MARCHF1: variants seen among roughly 807,000 people sequenced by gnomAD.
MARCHF1 encodes the protein membrane associated ring-CH-type finger 1.
In MARCHF1, 40 loss-of-function variants were observed where a neutral mutation model predicts 54.2. The ratio of observed to expected loss-of-function variants is 0.74; its 90% CI spans 0.57 to 0.96. The LOEUF (loss-of-function observed/expected upper bound fraction) is 0.96. Among genes scored for constraint, MARCHF1 ranks in the 40% least tolerant of loss-of-function variants. The pLI, the probability that MARCHF1 is intolerant of heterozygous loss-of-function variation, is 0.00. For synonymous variants in MARCHF1, 236 were observed against 236.3 expected, an observed-to-expected ratio of 1.00 and a Z score of 0.01; for missense variants, 586 against 656.5, an observed-to-expected ratio of 0.89 and a Z score of 1.17.
At chr4:164,221,964 A>G (rs1732125821) in intron 1 of MARCHF1, among the ~76,000 whole-genome samples, 1 of 132,658 alleles carries the variant, frequency 7.5e-6, no homozygotes, top group Non-Finnish European at 1.6e-5. Context: ...CCAGTACCTA[A>G]AGAAATCAGG....
chr4:164,213,545 C>G (rs1731840486), intron 1 of MARCHF1, among the ~76,000 whole-genome samples: 1 of 151,880 alleles, frequency 6.6e-6, no homozygotes, highest in East Asian at 1.9e-4. Flanking sequence ...TGGGCTTTCA[C>G]TTTTAAAAAT....
chr4:164,173,765 C>T (rs537844902), intron 1 of MARCHF1, among the ~76,000 whole-genome samples: 1 of 152,256 alleles, frequency 6.6e-6, no homozygotes, highest in African/African-American at 2.4e-5. Flanking sequence ...TCCTGAGGTC[C>T]TCACTAGAAG....
intron 3 of MARCHF1, among the ~76,000 whole-genome samples, chr4:163,986,609 A>T (rs1208837943): frequency 6.6e-6 from 1 of 152,076 alleles, no homozygotes; most frequent in Non-Finnish European, 1.5e-5. Context: ...CCATTGTGAC[A>T]CATTAGAGTG....
intron 5 of MARCHF1, among the ~76,000 whole-genome samples, chr4:163,622,130 G>T (rs1579121541): frequency 1.3e-5 from 2 of 151,986 alleles, no homozygotes; most frequent in South Asian, 4.2e-4. Flanking sequence ...GTAACCAGGG[G>T]TCACCAGAGT....
rs1016374582 is a variant in MARCHF1 at position 164,030,077 on chromosome 4, T to C, written c.-247-41368A>G. On this transcript the variant is annotated intron_variant, in intron 2 of 9. Transcript: ENST00000514618. ...CAGCTATATTTCTTGAAAAGCAATA[T>C]GTAATTAATACATATCTGTTAATGT... 4.6e-5 allele frequency among the ~76,000 whole-genome samples: 7 copies of C among 152,324 alleles called. No homozygotes were observed. In the South Asian group the frequency reaches 1.0e-3, roughly 23 times the overall value.
intron 4 of MARCHF1, among the ~76,000 whole-genome samples, chr4:163,847,914 C>G (rs1749532994): frequency 6.6e-6 from 1 of 152,138 alleles, no homozygotes; most frequent in South Asian, 2.1e-4. Flanking sequence ...GTGCAAACAA[C>G]AGTATCAACT....
intron 1 of MARCHF1, among the ~76,000 whole-genome samples, chr4:164,221,647 A>G (rs1732115715): frequency 6.6e-6 from 1 of 152,022 alleles, no homozygotes; most frequent in African/African-American, 2.4e-5. Context: ...TAATGCCTTC[A>G]GAAATATAGG....
intron 1 of MARCHF1, among the ~76,000 whole-genome samples, chr4:164,379,784 T>C (rs1731314332): frequency 6.6e-6 from 1 of 151,862 alleles, no homozygotes; most frequent in Non-Finnish European, 1.5e-5. Context: ...CCAGGAGTTT[T>C]AGCATAGATG....
At chr4:163,832,125 GA>G (rs1415981820) in intron 4 of MARCHF1, among the ~76,000 whole-genome samples, 3 of 152,190 alleles carry the variant, frequency 2.0e-5, no homozygotes, top group Non-Finnish European at 4.4e-5. Context: ...ATATAAGGCA[GA>G]TTTAACAAGA....
At chr4:163,971,595 T>G (rs1286337442) in intron 3 of MARCHF1, among the ~76,000 whole-genome samples, 3 of 152,216 alleles carry the variant, frequency 2.0e-5, no homozygotes, top group Non-Finnish European at 2.9e-5. Context: ...TAGGCAAATG[T>G]GGCCAAATGG....
Position 163,724,422 on chromosome 4 carries a change from G to T in MARCHF1, c.112-23559C>A, listed in dbSNP as rs546302773. ...TGTGAGGTGTCAGTCTGCCCCTACT[G>T]GGGGGTGCCTCCCAGTTAGGCTACT... On this transcript the variant is annotated intron_variant, in intron 4 of 9. Transcript: ENST00000514618. 5.3e-5 allele frequency among the ~76,000 whole-genome samples: 8 copies of T among 152,326 alleles called. No homozygotes were observed. The East Asian group carries it at 9.7e-4, about 18-fold the overall frequency.
rs145217029 is a variant in MARCHF1, at chr4:163,983,862, G to A, written c.-39+4639C>T. ...TCTTAACTGTAAAGAAAAAATGTAAGACTTGAGCCCAGAGTAGCTGAATAC... is the reference window on the plus strand; with the variant it reads ...TCTTAACTGTAAAGAAAAAATGTAAAACTTGAGCCCAGAGTAGCTGAATAC... On this transcript the variant is annotated intron_variant, in intron 3 of 9. Coordinates refer to ENST00000514618, the MANE Select transcript of MARCHF1 (RefSeq NM_001394959.1). 6.9e-4 allele frequency among the ~76,000 whole-genome samples: 105 copies of A among 152,192 alleles called. No individual in the cohort carries two copies. In the East Asian group the frequency reaches 0.016, roughly 23 times the overall value.
At chr4:164,242,177 G>T (rs1245237768) in intron 1 of MARCHF1, among the ~76,000 whole-genome samples, 3 of 149,934 alleles carry the variant, frequency 2.0e-5, no homozygotes, top group Non-Finnish European at 4.5e-5. Flanking sequence ...TGGGGGCAGG[G>T]CACAGACAAA....
At chr4:164,366,994 G>C (rs1364701747) in intron 1 of MARCHF1, among the ~76,000 whole-genome samples, 8 of 151,890 alleles carry the variant, frequency 5.3e-5, no homozygotes, top group African/African-American at 1.9e-4. Context: ...CTAACACAAG[G>C]CCTAAGTTTC....
intron 1 of MARCHF1, among the ~76,000 whole-genome samples, chr4:164,114,125 C>G (rs1458943004): frequency 6.6e-6 from 1 of 151,866 alleles, no homozygotes; most frequent in Non-Finnish European, 1.5e-5. Flanking sequence ...TGCTTCTGAA[C>G]AAGTAGCTGA....
At chr4:163,894,589 T>C (rs1483441731) in intron 3 of MARCHF1, among the ~76,000 whole-genome samples, 1 of 67,958 alleles carries the variant, frequency 1.5e-5, no homozygotes, top group East Asian at 7.0e-4. Context: ...GATGCATATA[T>C]ATATATGCAT....
At chr4:164,068,881 G>C (rs1218863445) in intron 2 of MARCHF1, among the ~76,000 whole-genome samples, 2 of 152,318 alleles carry the variant, frequency 1.3e-5, no homozygotes, top group South Asian at 2.1e-4. Flanking sequence ...ACACCAATCA[G>C]CACTCTGTAT....
At chr4:164,205,797 T>C (rs1053749573) in intron 1 of MARCHF1, among the ~76,000 whole-genome samples, 3 of 152,036 alleles carry the variant, frequency 2.0e-5, no homozygotes, top group Non-Finnish European at 4.4e-5. Context: ...TCTACAACCA[T>C]AAAAAATAGT....
chr4:164,196,838 CTT>C (rs1421010529), intron 1 of MARCHF1, among the ~76,000 whole-genome samples: 1 of 152,116 alleles, frequency 6.6e-6, no homozygotes, highest in East Asian at 1.9e-4. Context: ...CCCCAGTACA[CTT>C]TTCCCGTCTC....
Sources: gnomAD v4.1 joint callset for allele counts (sites outside exome capture counted in the v4.1 genomes callset) on GRCh38, gnomAD v4.1.1 for gene constraint, MANE v1.5 for transcripts, NCBI Gene and HGNC (gene_info 2026-07-23, HGNC 2026-07-21) for gene names.